The following SLC35F3 variants were observed in gnomAD, a reference collection of about 807,000 sequenced individuals.
SLC35F3 encodes the protein putative thiamine transporter SLC35F3.
SLC35F3 carries 25 observed loss-of-function variants against 49.9 expected under a neutral mutation model. That is an observed-to-expected ratio of 0.50 (90% CI 0.37 to 0.70). The LOEUF (loss-of-function observed/expected upper bound fraction) is 0.70. Among genes scored for constraint, SLC35F3 ranks in the 30% least tolerant of loss-of-function variants. The probability of loss-of-function intolerance (pLI) is 0.00; values close to 1 mark genes in which losing one functional copy is unlikely to be tolerated. For synonymous variants in SLC35F3, 275 were observed against 265.4 expected (o/e 1.04, Z -0.35); for missense variants, 525 against 639.8 (o/e 0.82, Z 1.94).
chr1:234,109,800 A>T (rs1665378049), intron 2 of SLC35F3, among the ~76,000 whole-genome samples: 1 of 152,142 alleles, frequency 6.6e-6, no homozygotes, highest in Non-Finnish European at 1.5e-5. Flanking sequence ...GGCGCAGTGG[A>T]TGCCACCTGG....
rs113024295 is a variant in SLC35F3 at position 233,952,375 on chromosome 1, G to T, written c.283+46617G>T. Among the ~76,000 whole-genome samples the T allele has an allele frequency of 2.9e-3, 435 of 152,274 alleles. 3 individuals carry two copies. The highest frequency in any genetic ancestry group is 9.8e-3 in the African/African-American group (406 of 41,550). On this transcript the variant is annotated intron_variant, in intron 2 of 7. Coordinates refer to ENST00000366618, the MANE Select transcript of SLC35F3 (RefSeq NM_173508.4). ...CTCCTAGAACAATTATTTGTGGAAAGCTGGGGTTGAGGTGGGTGTGGGCTG... is the reference window on the plus strand; with the variant it reads ...CTCCTAGAACAATTATTTGTGGAAATCTGGGGTTGAGGTGGGTGTGGGCTG...
chr1:234,250,323 A>G (rs766792144), intron 3 of SLC35F3, among the ~76,000 whole-genome samples: 1 of 152,070 alleles, frequency 6.6e-6, no homozygotes, highest in Admixed American at 6.5e-5. Flanking sequence ...TTGTGTTGCT[A>G]TAAAGGAATA....
At chr1:234,121,138 T>A (rs1176919703) in intron 2 of SLC35F3, among the ~76,000 whole-genome samples, 1 of 144,764 alleles carries the variant, frequency 6.9e-6, no homozygotes, top group African/African-American at 2.5e-5. Flanking sequence ...AATTACTTTT[T>A]TTTTTTTTTT....
intron 2 of SLC35F3, among the ~76,000 whole-genome samples, chr1:233,928,119 A>T (rs1245255416): frequency 6.6e-6 from 1 of 152,106 alleles, no homozygotes; most frequent in Non-Finnish European, 1.5e-5. Context: ...TTTCTGCATA[A>T]GCCCTAGCCC....
chr1:234,260,803 T>C (rs1572121006), intron 3 of SLC35F3, among the ~76,000 whole-genome samples: 1 of 152,160 alleles, frequency 6.6e-6, no homozygotes, highest in Middle Eastern at 3.4e-3. Flanking sequence ...GTGCCTCACG[T>C]CTCCCTCCAT....
chr1:234,091,731 C>G (rs1286650724), intron 2 of SLC35F3, among the ~76,000 whole-genome samples: 1 of 152,186 alleles, frequency 6.6e-6, no homozygotes, highest in Non-Finnish European at 1.5e-5. Flanking sequence ...CTTCCCTATG[C>G]ATTATTTTAT....
At chr1:234,262,970 T>C (rs1667928618) in intron 3 of SLC35F3, among the ~76,000 whole-genome samples, 1 of 152,224 alleles carries the variant, frequency 6.6e-6, no homozygotes, top group South Asian at 2.1e-4. Flanking sequence ...TTGCCACAGT[T>C]CTGGGCTACA....
At chr1:234,273,641 A>C (rs1245454379) in intron 3 of SLC35F3, among the ~76,000 whole-genome samples, 1 of 134,660 alleles carries the variant, frequency 7.4e-6, no homozygotes, top group East Asian at 2.2e-4. Flanking sequence ...GGATGGCCTC[A>C]GAAGGATGGC....
At chr1:234,321,683 A>G (rs960785794) in intron 7 of SLC35F3, among the ~76,000 whole-genome samples, 3 of 152,190 alleles carry the variant, frequency 2.0e-5, no homozygotes, top group Admixed American at 2.0e-4. Context: ...TACCTGCAAC[A>G]TAAAAGGTTT....
chr1:234,305,383 CTTTTTT>C (rs60208203), intron 3 of SLC35F3, among the ~76,000 whole-genome samples: 3 of 124,260 alleles, frequency 2.4e-5, no homozygotes, highest in African/African-American at 3.1e-5. Context: ...AGCAGTATTG[CTTTTTT>C]TTTTTTTTTT....
intron 2 of SLC35F3, among the ~76,000 whole-genome samples, chr1:233,977,626 G>A (rs1663112512): frequency 6.6e-6 from 1 of 152,158 alleles, no homozygotes; most frequent in Non-Finnish European, 1.5e-5. Flanking sequence ...GTTGCTATGT[G>A]CTGATAAATT....
At chr1:234,056,565 C>G (rs188112589) in intron 2 of SLC35F3, among the ~76,000 whole-genome samples, 15 of 152,302 alleles carry the variant, frequency 9.8e-5, no homozygotes, top group Non-Finnish European at 2.1e-4. Flanking sequence ...AATCTACTTT[C>G]TGTCTATAGA....
At chr1:234,003,819 A>T (rs1177390028) in intron 2 of SLC35F3, among the ~76,000 whole-genome samples, 1 of 152,200 alleles carries the variant, frequency 6.6e-6, no homozygotes, top group Non-Finnish European at 1.5e-5. Context: ...CGGTTCACAA[A>T]AAAAGGAAAA....
intron 2 of SLC35F3, among the ~76,000 whole-genome samples, chr1:234,138,025 G>A (rs1042228890): frequency 1.3e-5 from 2 of 152,128 alleles, no homozygotes; most frequent in African/African-American, 4.8e-5. Context: ...CAACAATATG[G>A]CAAGCACTTT....
intron 2 of SLC35F3, among the ~76,000 whole-genome samples, chr1:234,166,206 G>C (rs1255235704): frequency 6.6e-6 from 1 of 152,026 alleles, no homozygotes; most frequent in Non-Finnish European, 1.5e-5. Flanking sequence ...AGAAAGTACA[G>C]AGAGTTCCCA....
rs140330612 is a variant in SLC35F3, at chr1:234,292,824, G to C, written c.609-16277G>C. Among the ~76,000 whole-genome samples, 1,383 of 152,314 alleles carry C rather than the reference G, an allele frequency of 9.1e-3. 8 individuals are homozygous for C. Among genetic ancestry groups the C allele is most frequent in the Non-Finnish European group, 0.015 (1,044 of 68,028 alleles). On this transcript the variant is annotated intron_variant, in intron 3 of 7. Coordinates refer to ENST00000366618, the MANE Select transcript of SLC35F3 (RefSeq NM_173508.4). ...TCCCAAACTAGGGCCCTTCAACAGT[G>C]ATGTTTTCTCCAGGCCTGGGCCTCT... is the stretch of plus-strand genomic sequence containing the variant.
intron 2 of SLC35F3, among the ~76,000 whole-genome samples, chr1:233,995,309 T>C (rs1218091039): frequency 6.6e-6 from 1 of 152,194 alleles, no homozygotes; most frequent in Non-Finnish European, 1.5e-5. Context: ...TTAGTGCTTC[T>C]GAATGAGGGC....
chr1:234,057,742 G>T (rs1362057798), intron 2 of SLC35F3, among the ~76,000 whole-genome samples: 1 of 152,120 alleles, frequency 6.6e-6, no homozygotes, highest in Non-Finnish European at 1.5e-5. Context: ...GTCTCACTCT[G>T]TTGCCCAGGC....
chr1:234,273,358 G>C (rs535801580), intron 3 of SLC35F3, among the ~76,000 whole-genome samples: 4 of 152,304 alleles, frequency 2.6e-5, no homozygotes, highest in African/African-American at 7.2e-5. Context: ...ACCGGTGTGA[G>C]TGGTACAGGG....
Sources: allele counts gnomAD v4.1 joint callset (sites outside exome capture counted in the v4.1 genomes callset), GRCh38; gene constraint gnomAD v4.1.1; transcripts MANE v1.5; gene names NCBI Gene and HGNC (gene_info 2026-07-23, HGNC 2026-07-21).